Variants in RALYL observed in about 807,000 individuals in gnomAD.
RALYL encodes RALY RNA binding protein like.
Under a neutral mutation model 35.1 loss-of-function variants are expected in RALYL, and 29 were observed. That is an observed-to-expected ratio of 0.83 (90% CI 0.61 to 1.13). The LOEUF is 1.13. Among genes scored for constraint, RALYL ranks in the 50% most tolerant of loss-of-function variants. RALYL has a pLI of 0.00. For synonymous variants in RALYL, 120 were observed against 127.6 expected, an observed-to-expected ratio of 0.94 and a Z score of 0.40; for missense variants, 359 against 360.4, an observed-to-expected ratio of 1.00 and a Z score of 0.03.
intron 8 of RALYL, among the ~76,000 whole-genome samples, chr8:84,911,926 G>T (rs1344541572): frequency 6.6e-6 from 1 of 152,136 alleles, no homozygotes; most frequent in Non-Finnish European, 1.5e-5. Flanking sequence ...GAGCACAGGA[G>T]CTTCTGTCCC....
chr8:84,788,329 A>T (rs1436367812), intron 3 of RALYL, among the ~76,000 whole-genome samples: 1 of 152,208 alleles, frequency 6.6e-6, no homozygotes, highest in Non-Finnish European at 1.5e-5. Context: ...TCGGGAAAGG[A>T]TTCCCTATTT....
chr8:84,335,367 G>A (rs544735614), intron 1 of RALYL, among the ~76,000 whole-genome samples: 3 of 152,174 alleles, frequency 2.0e-5, no homozygotes, highest in South Asian at 2.1e-4. Context: ...GTATTCACTC[G>A]GTCCATGGGA....
At chr8:84,712,614 G>A (rs1454845198) in intron 2 of RALYL, among the ~76,000 whole-genome samples, 3 of 152,058 alleles carry the variant, frequency 2.0e-5, no homozygotes, top group Non-Finnish European at 2.9e-5. Flanking sequence ...TATGTCACCT[G>A]CTCTTTTAAT....
intron 1 of RALYL, among the ~76,000 whole-genome samples, chr8:84,514,381 A>C (rs2057890182): frequency 6.6e-6 from 1 of 152,288 alleles, no homozygotes; most frequent in Non-Finnish European, 1.5e-5. Flanking sequence ...GGTATAACAA[A>C]GTATTTGAGA....
chr8:84,890,451 C>T (rs556590372), intron 8 of RALYL, among the ~76,000 whole-genome samples: 2 of 152,272 alleles, frequency 1.3e-5, no homozygotes, highest in Non-Finnish European at 2.9e-5. Flanking sequence ...ATTTAAAAAA[C>T]ATATAAAGAT....
At chr8:84,210,371 A>G (rs1394437954) in intron 1 of RALYL, among the ~76,000 whole-genome samples, 1 of 147,082 alleles carries the variant, frequency 6.8e-6, no homozygotes, top group African/African-American at 2.5e-5. Flanking sequence ...GATTTCTCAA[A>G]TTGGATTTTT....
intron 2 of RALYL, among the ~76,000 whole-genome samples, chr8:84,636,662 T>C (rs1825127993): frequency 6.6e-6 from 1 of 151,838 alleles, no homozygotes; most frequent in East Asian, 1.9e-4. Context: ...CTACAGATTC[T>C]TGGATATTTT....
At chr8:84,698,271 T>C (rs1320647527) in intron 2 of RALYL, among the ~76,000 whole-genome samples, 2 of 152,162 alleles carry the variant, frequency 1.3e-5, no homozygotes, top group Non-Finnish European at 2.9e-5. Flanking sequence ...CACTTAATAA[T>C]TGTTCATTTT....
chr8:84,712,240 A>T (rs554534283), intron 2 of RALYL, among the ~76,000 whole-genome samples: 9 of 152,122 alleles, frequency 5.9e-5, no homozygotes, highest in Non-Finnish European at 1.2e-4. Context: ...ATGTGCATGG[A>T]TAGAATCAGT....
At chr8:84,681,105 G>A (rs1421732593) in intron 2 of RALYL, among the ~76,000 whole-genome samples, 1 of 152,084 alleles carries the variant, frequency 6.6e-6, no homozygotes, top group African/African-American at 2.4e-5. Context: ...TATTAAATAG[G>A]GAATCCTTTC....
chr8:84,648,664 A>G (rs1828020411), intron 2 of RALYL, among the ~76,000 whole-genome samples: 2 of 152,048 alleles, frequency 1.3e-5, no homozygotes, highest in South Asian at 2.1e-4. Context: ...ATAAATTTCA[A>G]AAGAGGAAAA....
intron 1 of RALYL, among the ~76,000 whole-genome samples, chr8:84,267,775 G>A (rs1469823532): frequency 1.3e-5 from 2 of 152,128 alleles, no homozygotes; most frequent in African/African-American, 2.4e-5. Context: ...ATCCTTGATT[G>A]GTCTAAAATA....
intron 2 of RALYL, among the ~76,000 whole-genome samples, chr8:84,552,401 C>G (rs1342230976): frequency 9.9e-6 from 1 of 100,946 alleles, no homozygotes; most frequent in Non-Finnish European, 1.8e-5. Flanking sequence ...AAAGCAGAGA[C>G]AGCAAAGGTA....
chr8:84,383,742 G>T, intron 1 of RALYL, among the ~76,000 whole-genome samples: 1 of 136,376 alleles, frequency 7.3e-6, no homozygotes, highest in East Asian at 2.2e-4. Context: ...GTGAAAGGAA[G>T]AAAAAAGAGG....
At chr8:84,858,869 C>T (rs1330403103) in intron 5 of RALYL, among the ~76,000 whole-genome samples, 1 of 152,096 alleles carries the variant, frequency 6.6e-6, no homozygotes, top group African/African-American at 2.4e-5. Context: ...CCTTTTATTT[C>T]TAATTGACTC....
intron 2 of RALYL, among the ~76,000 whole-genome samples, chr8:84,725,706 A>C (rs1185013082): frequency 6.6e-6 from 1 of 151,700 alleles, no homozygotes; most frequent in Admixed American, 6.6e-5. Flanking sequence ...GTTATAAGTA[A>C]GAGATTATTA....
intron 1 of RALYL, among the ~76,000 whole-genome samples, chr8:84,319,009 C>T (rs188919643): frequency 1.7e-3 from 253 of 151,946 alleles, no homozygotes; most frequent in African/African-American, 5.8e-3. Flanking sequence ...AACAGAGTTA[C>T]GTGAATTTAA....
At chr8:84,302,675 A>G (rs1396285183) in intron 1 of RALYL, among the ~76,000 whole-genome samples, 1 of 152,180 alleles carries the variant, frequency 6.6e-6, no homozygotes, top group African/African-American at 2.4e-5. Context: ...AGTGAGATAA[A>G]CAGATTTGCA....
intron 2 of RALYL, among the ~76,000 whole-genome samples, chr8:84,567,720 C>A (rs1415967711): frequency 2.0e-5 from 3 of 150,556 alleles, no homozygotes; most frequent in Non-Finnish European, 3.0e-5. Flanking sequence ...TAAGTAGGTA[C>A]CAAGTAGTGG....
Sources: allele counts gnomAD v4.1 joint callset (sites outside exome capture counted in the v4.1 genomes callset), GRCh38; gene constraint gnomAD v4.1.1; transcripts MANE v1.5; gene names NCBI Gene and HGNC (gene_info 2026-07-23, HGNC 2026-07-21).